The following HABP4 variants were observed in gnomAD, a reference collection of about 807,000 sequenced individuals.
HABP4 encodes intracellular hyaluronan-binding protein 4.
Under a neutral mutation model 44.1 loss-of-function variants are expected in HABP4, and 32 were observed. The ratio of observed to expected loss-of-function variants is 0.73; its 90% CI spans 0.55 to 0.97. The LOEUF (loss-of-function observed/expected upper bound fraction) is 0.97, where lower values mean the gene tolerates loss of function less well. Ranked by LOEUF, HABP4 falls within the 50% of genes least tolerant of loss-of-function variation. The pLI, the probability that HABP4 is intolerant of heterozygous loss-of-function variation, is 0.00. For missense variants in HABP4, 503 were observed against 561.9 expected (o/e 0.90, Z 1.06); for synonymous variants, 216 against 218.0 (o/e 0.99, Z 0.08).
Position 96,488,041 on chromosome 9 carries a change from G to A in HABP4, c.1000-48G>A, listed in dbSNP as rs1587690590. 1 of 1,320,178 alleles carries A rather than the reference G, an allele frequency of 7.6e-7. No individual in the cohort carries two copies. The highest frequency in any genetic ancestry group is 1.1e-6 in the Non-Finnish European group (1 of 919,338). The allele number at this position is 1,320,178 out of a possible 1,614,324, so 81.8% of individuals were successfully genotyped here. ...GCAGCCACTAAGCCAGATGAGTGTGGGGATGGCTGTGGACTTGTGCGTGTT... is the reference window on the plus strand; with the variant it reads ...GCAGCCACTAAGCCAGATGAGTGTGAGGATGGCTGTGGACTTGTGCGTGTT... On this transcript the variant is annotated intron_variant, in intron 6 of 7. Coordinates refer to ENST00000375249, the MANE Select transcript of HABP4 (RefSeq NM_014282.4). This position sits in a 1 kb window ranked among gnomAD's most constrained non-coding sequence, Gnocchi z 4.6.
chr9:96,457,583 C>G (rs1206038635), intron 1 of HABP4, among the ~76,000 whole-genome samples: 1 of 152,158 alleles, frequency 6.6e-6, no homozygotes, highest in Non-Finnish European at 1.5e-5. Flanking sequence ...AAACAAAAAC[C>G]TTGGCCAGGC....
intron 1 of HABP4, among the ~76,000 whole-genome samples, chr9:96,452,947 G>C (rs1315763922): frequency 1.4e-5 from 1 of 70,532 alleles, no homozygotes; most frequent in East Asian, 3.8e-4. Flanking sequence ...TTGAGACAGA[G>C]TCTTTTTTTT....
intron 4 of HABP4, among the ~76,000 whole-genome samples, chr9:96,468,367 C>T (rs1423036380): frequency 1.3e-5 from 2 of 151,660 alleles, no homozygotes; most frequent in Non-Finnish European, 2.9e-5. Context: ...AAGCGATTCT[C>T]CTGCCTCAGC....
chr9:96,462,157 A>G (rs2131125542), intron 2 of HABP4, among the ~76,000 whole-genome samples: 1 of 151,550 alleles, frequency 6.6e-6, no homozygotes, highest in South Asian at 2.1e-4. Context: ...AAAAAAAAAA[A>G]AAAGAATTTG....
At chr9:96,466,144 C>T (rs530892339) in intron 4 of HABP4, among the ~76,000 whole-genome samples, 3 of 152,156 alleles carry the variant, frequency 2.0e-5, no homozygotes, top group South Asian at 2.1e-4. Context: ...CCAAGGTGGA[C>T]GGATCACTTG....
At chr9:96,468,502 G>C (rs372982087) in intron 4 of HABP4, among the ~76,000 whole-genome samples, 1 of 151,974 alleles carries the variant, frequency 6.6e-6, no homozygotes, top group Non-Finnish European at 1.5e-5. Flanking sequence ...CTCATGATCC[G>C]CTCACCTCAG....
intron 6 of HABP4, among the ~76,000 whole-genome samples, chr9:96,487,861 A>T (rs537664134): frequency 2.0e-5 from 3 of 152,350 alleles, no homozygotes; most frequent in African/African-American, 7.2e-5. Context: ...AATTGCAAGA[A>T]TGTGGGACTC....
intron 2 of HABP4, among the ~76,000 whole-genome samples, chr9:96,461,373 C>CT (rs1214736261): frequency 1.3e-5 from 2 of 151,764 alleles, no homozygotes; most frequent in Non-Finnish European, 2.9e-5. Flanking sequence ...CAGTAAACTA[C>CT]AGAAAGGAAG....
chr9:96,485,002 G>C (rs1323383128), intron 6 of HABP4, among the ~76,000 whole-genome samples: 1 of 151,888 alleles, frequency 6.6e-6, no homozygotes, highest in Non-Finnish European at 1.5e-5. Context: ...CCCCTGAGTA[G>C]GTTACTTTCA....
chr9:96,458,487 C>T lies in HABP4; in HGVS notation c.458C>T (p.Pro153Leu). ...AERRSYREYRPYETERQADFT... is the reference protein window; with the variant it reads ...AERRSYREYRLYETERQADFT... ...CGGAGATCCTACAGGGAATACCGAC[C>T]CTATGAGACAGAGAGGCAGGCAGAC... The change falls in exon 2 of 8, where the codon CCC (proline) becomes CTC (leucine). Residue 153 changes from proline (P) to leucine (L), a missense_variant. By Grantham distance (98) the Pro-to-Leu change is moderately conservative. Coordinates refer to ENST00000375249, the MANE Select transcript of HABP4 (RefSeq NM_014282.4). 2 of 1,613,212 alleles carry T rather than the reference C, an allele frequency of 1.2e-6. No homozygotes were observed. Among genetic ancestry groups the T allele is most frequent in the East Asian group, 4.5e-5 (2 of 44,880 alleles).
chr9:96,456,783 AT>A (rs1832398000), intron 1 of HABP4, among the ~76,000 whole-genome samples: 260 of 41,776 alleles, frequency 6.2e-3, no homozygotes, highest in Admixed American at 0.011. Context: ...AAAAAAAAAT[AT>A]ATATATATAT....
At position 96,484,773 on chromosome 9, in the gene HABP4, A is replaced by G. The variant is rs555519443; in HGVS notation, c.999+140A>G. 4 of 629,820 alleles carry G rather than the reference A, an allele frequency of 6.4e-6. No individual in the cohort carries two copies. The Admixed American group carries it at 1.2e-4, about 18-fold the overall frequency. The allele number at this position is 629,820 out of a possible 1,614,324, so 39.0% of individuals were successfully genotyped here. ...TTCTAATCAGAGATGATGCATGCCT[A>G]ATTTTACTGTATTGTTCATTAAGAA... is the stretch of plus-strand genomic sequence containing the variant. On this transcript the variant is annotated intron_variant, in intron 6 of 7. Coordinates refer to ENST00000375249, the MANE Select transcript of HABP4 (RefSeq NM_014282.4).
chr9:96,469,032 G>A (rs113149288), intron 4 of HABP4, among the ~76,000 whole-genome samples: 10 of 152,144 alleles, frequency 6.6e-5, no homozygotes, highest in African/African-American at 1.9e-4. Flanking sequence ...ATTTGAAGAC[G>A]CTGACAGCAA....
chr9:96,478,945 A>G (rs1375394966), intron 5 of HABP4, among the ~76,000 whole-genome samples: 2 of 151,988 alleles, frequency 1.3e-5, no homozygotes, highest in African/African-American at 4.8e-5. Context: ...TTTAATTTGC[A>G]TTTCCCTAAT....
chr9:96,464,083 C>T (rs1211923098), intron 2 of HABP4, among the ~76,000 whole-genome samples: 1 of 152,260 alleles, frequency 6.6e-6, no homozygotes, highest in South Asian at 2.1e-4. Context: ...GCAATCAGGT[C>T]CTGGGTCCAG....
At chr9:96,458,578 C>G (rs759237513) in intron 2 of HABP4, 37 bp downstream of exon 2, 3 of 1,429,946 alleles carry the variant, frequency 2.1e-6, no homozygotes, top group Non-Finnish European at 2.9e-6. Context: ...GGGTGGGGAA[C>G]CAGAAAGGTT....
chr9:96,483,794 G>C (rs1340007262), intron 5 of HABP4: 1 of 152,092 alleles, frequency 6.6e-6, no homozygotes, highest in Non-Finnish European at 1.5e-5. Context: ...TCTGCTAAGA[G>C]TTTTATATTT....
chr9:96,471,152 T>C, intron 5 of HABP4, 58 bp downstream of exon 5: 11 of 937,250 alleles, frequency 1.2e-5, no homozygotes, highest in Non-Finnish European at 1.9e-5. Context: ...ATGATTTCTT[T>C]TTTTTTTTTG....
chr9:96,451,393 G>C (rs1340228464), intron 1 of HABP4: 15 of 735,722 alleles, frequency 2.0e-5, no homozygotes, highest in Non-Finnish European at 2.3e-5. Context: ...GGGTGCTTCA[G>C]AGTTCATTCT....
Sources: allele counts gnomAD v4.1 joint callset (sites outside exome capture counted in the v4.1 genomes callset), GRCh38; gene constraint gnomAD v4.1.1; non-coding constraint Gnocchi (gnomAD v3.1); transcripts MANE v1.5; gene names NCBI Gene and HGNC (gene_info 2026-07-23, HGNC 2026-07-21).